GLO1: variants seen among roughly 807,000 people sequenced by gnomAD.
GLO1 encodes glyoxalase I.
GLO1 carries 28 observed loss-of-function variants against 26.0 expected under a neutral mutation model. The ratio of observed to expected loss-of-function variants is 1.08; its 90% CI spans 0.80 to 1.48. The LOEUF is 1.48. Among genes scored for constraint, GLO1 ranks in the 40% most tolerant of loss-of-function variants. The pLI is 0.00. For synonymous variants in GLO1, 78 were observed against 77.6 expected, an observed-to-expected ratio of 1.00 and a Z score of -0.03; for missense variants, 225 against 224.8, an observed-to-expected ratio of 1.00 and a Z score of -0.01.
rs140699303 is a variant in GLO1 at position 38,695,743 on chromosome 6, A to C, written c.84+7228T>G. On this transcript the variant is annotated intron_variant, in intron 1 of 5. Transcript: ENST00000373365. Reference sequence around the variant, plus strand: ...ACTGAGGCCACAGTTTTCTCTATGGAGTTTAGTTGGAGTAGAGCAGTTATT... The same window carrying C: ...ACTGAGGCCACAGTTTTCTCTATGGCGTTTAGTTGGAGTAGAGCAGTTATT... 2.9e-3 allele frequency among the ~76,000 whole-genome samples: 435 copies of C among 152,080 alleles called. 2 individuals carry two copies. The highest frequency in any genetic ancestry group is 0.01 in the African/African-American group (421 of 41,480).
At chr6:38,691,991 A>T (rs986038289) in intron 1 of GLO1, among the ~76,000 whole-genome samples, 8 of 152,232 alleles carry the variant, frequency 5.3e-5, no homozygotes, top group African/African-American at 1.9e-4. Context: ...TAAGTCTTAA[A>T]ATCAGGTAGA....
intron 5 of GLO1, among the ~76,000 whole-genome samples, chr6:38,679,914 A>G (rs1761346650): frequency 6.6e-6 from 1 of 152,242 alleles, no homozygotes; most frequent in Admixed American, 6.5e-5. Flanking sequence ...TTTAAGAACA[A>G]AATAGATGAA....
chr6:38,683,292 C>A (rs551917871), intron 3 of GLO1: 5 of 157,852 alleles, frequency 3.2e-5, no homozygotes, highest in East Asian at 1.8e-4. Flanking sequence ...AAGGGACACA[C>A]GAAATCACAC....
chr6:38,681,325 G>A (rs193110375), intron 5 of GLO1, among the ~76,000 whole-genome samples: 1 of 152,320 alleles, frequency 6.6e-6, no homozygotes, highest in Admixed American at 6.5e-5. Flanking sequence ...GCCTCCCAAA[G>A]TGTTGGGATG....
intron 1 of GLO1, among the ~76,000 whole-genome samples, chr6:38,695,086 G>A (rs983385983): frequency 4.6e-5 from 7 of 152,132 alleles, no homozygotes; most frequent in African/African-American, 1.7e-4. Context: ...TGTATCTAAT[G>A]TAAGTACTGA....
Position 38,703,044 on chromosome 6 carries a change from G to C in GLO1, c.11C>G (p.Pro4Arg). ...CGTGAGGCCGCCGGACGGGGGCTGC[G>C]GTTCTGCCATGGCTGCGCTGCAGTA... MAE[P>R]QPPSGGLTDE... The change falls in exon 1 of 6, where the codon CCG (proline) becomes CGG (arginine). Residue 4 changes from proline (P) to arginine (R), a missense_variant. Transcript: ENST00000373365. 2 of 1,583,768 alleles carry C rather than the reference G, an allele frequency of 1.3e-6. No homozygotes were observed. The highest frequency in any genetic ancestry group is 1.7e-6 in the Non-Finnish European group (2 of 1,157,714).
Position 38,684,173 on chromosome 6 carries a change from T to TA in GLO1, c.308+200dup, listed in dbSNP as rs896169880. ...TTAGAGGCTTCAGAGAGCCTGTCTC[T>TA]AAAAAAAACACATCTCATTTGCCCA... On this transcript the variant is annotated intron_variant, in intron 3 of 5. Transcript: ENST00000373365. Among the ~76,000 whole-genome samples the TA allele has an allele frequency of 3.3e-5, 5 of 151,716 alleles. No individual in the cohort carries two copies. In the South Asian group the frequency reaches 1.0e-3, roughly 32 times the overall value.
At chr6:38,690,411 A>G (rs1400157251) in intron 1 of GLO1, among the ~76,000 whole-genome samples, 1 of 152,216 alleles carries the variant, frequency 6.6e-6, no homozygotes, top group African/African-American at 2.4e-5. Context: ...CACAGGCATA[A>G]AAGAATATTA....
intron 5 of GLO1, among the ~76,000 whole-genome samples, chr6:38,679,619 G>T (rs751692835): frequency 6.6e-6 from 1 of 152,002 alleles, no homozygotes; most frequent in East Asian, 1.9e-4. Flanking sequence ...TACATAGTAA[G>T]ACCCTGTCTC....
chr6:38,689,898 C>T (rs1761508138), intron 1 of GLO1, among the ~76,000 whole-genome samples: 1 of 151,992 alleles, frequency 6.6e-6, no homozygotes, highest in African/African-American at 2.4e-5. Flanking sequence ...GAGATCTTGG[C>T]TCACTGCAAC....
In GLO1 at chr6:38,676,552, C is replaced by T. The variant is rs1370926400; in HGVS notation, c.*743G>A. 6.6e-6 allele frequency: 1 copy of T among 152,162 alleles called. No homozygotes were observed. The highest frequency in any genetic ancestry group is 2.4e-5 in the African/African-American group (1 of 41,438). 9.4% of individuals were successfully genotyped at this position (152,162 alleles called of 1,614,324 possible). A position where few individuals can be genotyped will look rare whatever the true frequency, so the allele number is the denominator to read the frequency against. ...AATGATTATGAAATCTTGAGTTGAG[C>T]TGATTGATGCCCTCTTAAATCCATT... On this transcript the variant is annotated 3_prime_UTR_variant, in exon 6 of 6. Coordinates refer to ENST00000373365, the MANE Select transcript of GLO1 (RefSeq NM_006708.3).
chr6:38,684,191 T>C, intron 3 of GLO1, among the ~76,000 whole-genome samples, 183 bp downstream of exon 3: 1 of 152,090 alleles, frequency 6.6e-6, no homozygotes, highest in East Asian at 1.9e-4. Context: ...ACACATCTCA[T>C]TTGCCCAAGA....
intron 5 of GLO1, among the ~76,000 whole-genome samples, chr6:38,680,036 G>C (rs1761347753): frequency 6.6e-6 from 1 of 152,048 alleles, no homozygotes; most frequent in Admixed American, 6.5e-5. Flanking sequence ...AAAGCTTCTA[G>C]AATAAAACAG....
chr6:38,701,133 T>C (rs1276421462), intron 1 of GLO1, among the ~76,000 whole-genome samples: 1 of 152,100 alleles, frequency 6.6e-6, no homozygotes, highest in Non-Finnish European at 1.5e-5. Flanking sequence ...ACTGCTGGAG[T>C]CAGCACCCCA....
At chr6:38,693,657 A>C (rs1761561511) in intron 1 of GLO1, among the ~76,000 whole-genome samples, 1 of 100,850 alleles carries the variant, frequency 9.9e-6, no homozygotes, top group African/African-American at 4.2e-5. Context: ...ATTTTCATTC[A>C]GCTCTCTCTC....
intron 3 of GLO1, 150 bp from the exon 4 acceptor site, chr6:38,683,025 G>C (rs1026885912): frequency 1.0e-5 from 6 of 578,294 alleles, no homozygotes; most frequent in Non-Finnish European, 1.9e-5. Context: ...TTCAACTATA[G>C]AAAGGACAAA....
At chr6:38,688,941 C>A (rs560827354) in intron 1 of GLO1, among the ~76,000 whole-genome samples, 1 of 152,168 alleles carries the variant, frequency 6.6e-6, no homozygotes, top group Non-Finnish European at 1.5e-5. Context: ...AGCGTGCGCG[C>A]GCAAAGAAAG....
At chr6:38,696,406 A>C (rs1159174486) in intron 1 of GLO1, among the ~76,000 whole-genome samples, 1 of 152,204 alleles carries the variant, frequency 6.6e-6, no homozygotes, top group African/African-American at 2.4e-5. Context: ...AAATTCCATA[A>C]ACTGGGTGGC....
At chr6:38,698,673 T>C (rs1761646458) in intron 1 of GLO1, among the ~76,000 whole-genome samples, 1 of 147,288 alleles carries the variant, frequency 6.8e-6, no homozygotes, top group Admixed American at 6.8e-5. Flanking sequence ...TTTTTTTTTT[T>C]TTTTGAGACG....
Sources: gnomAD v4.1 joint callset for allele counts (sites outside exome capture counted in the v4.1 genomes callset) on GRCh38, gnomAD v4.1.1 for gene constraint, MANE v1.5 for transcripts, NCBI Gene and HGNC (gene_info 2026-07-23, HGNC 2026-07-21) for gene names.